The following DOK6 variants were observed in gnomAD, a reference collection of about 807,000 sequenced individuals.
DOK6 encodes the protein downstream of tyrosine kinase 6.
A neutral mutation model predicts 44.0 loss-of-function variants in DOK6; 22 were observed. The observed-to-expected ratio is 0.50, with a 90% CI of 0.36 to 0.71. The LOEUF (loss-of-function observed/expected upper bound fraction) is 0.71. Among genes scored for constraint, DOK6 ranks in the 30% least tolerant of loss-of-function variants. The pLI, the probability that DOK6 is intolerant of heterozygous loss-of-function variation, is 0.00. For synonymous variants in DOK6, 166 were observed against 145.5 expected, an observed-to-expected ratio of 1.14 and a Z score of -1.01; for missense variants, 340 against 416.4, an observed-to-expected ratio of 0.82 and a Z score of 1.60.
At chr18:69,810,585 T>A (rs1981193352) in intron 7 of DOK6, among the ~76,000 whole-genome samples, 1 of 151,628 alleles carries the variant, frequency 6.6e-6, no homozygotes, top group African/African-American at 2.4e-5. Flanking sequence ...GGAGTTAATA[T>A]CCAAAGTATA....
At chr18:69,570,031 G>T (rs2144602248) in intron 2 of DOK6, among the ~76,000 whole-genome samples, 1 of 151,906 alleles carries the variant, frequency 6.6e-6, no homozygotes, top group East Asian at 1.9e-4. Context: ...CAAACACTGG[G>T]ATCTACTTGA....
chr18:69,606,831 T>C (rs1000538651), intron 3 of DOK6, among the ~76,000 whole-genome samples: 13 of 143,016 alleles, frequency 9.1e-5, no homozygotes, highest in Non-Finnish European at 1.5e-4. Context: ...TGGCGCAATC[T>C]CGGCCCACTG....
At chr18:69,719,421 G>T (rs1986956408) in intron 5 of DOK6, among the ~76,000 whole-genome samples, 1 of 152,148 alleles carries the variant, frequency 6.6e-6, no homozygotes, top group Non-Finnish European at 1.5e-5. Flanking sequence ...AAAGACTTAG[G>T]TTTTACAATA....
At chr18:69,712,879 G>A (rs1986800660) in intron 5 of DOK6, among the ~76,000 whole-genome samples, 1 of 152,114 alleles carries the variant, frequency 6.6e-6, no homozygotes, top group African/African-American at 2.4e-5. Context: ...GGAAGCTCAC[G>A]TCTCCAAAAT....
chr18:69,747,221 A>G (rs1207866372), intron 6 of DOK6, among the ~76,000 whole-genome samples: 3 of 152,362 alleles, frequency 2.0e-5, no homozygotes, highest in African/African-American at 7.2e-5. Context: ...TCTCAGTTGT[A>G]TATAGATTTG....
rs539109268 is a variant in DOK6, at chr18:69,636,609, T to G, written c.289+37111T>G. On this transcript the variant is annotated intron_variant, in intron 3 of 7. Transcript: ENST00000382713. Reference sequence around the variant, plus strand: ...AGAGTTGTCTTAGTGACCAGAGTTGTTTGCCTTGGGCTCTGCTTTCTGGGG... The same window carrying G: ...AGAGTTGTCTTAGTGACCAGAGTTGGTTGCCTTGGGCTCTGCTTTCTGGGG... Among the ~76,000 whole-genome samples the G allele has an allele frequency of 8.5e-5, 13 of 152,372 alleles. No individual in the cohort carries two copies. In the East Asian group the frequency reaches 2.5e-3, roughly 29 times the overall value.
intron 3 of DOK6, among the ~76,000 whole-genome samples, chr18:69,609,372 C>A (rs1171147586): frequency 2.0e-5 from 3 of 151,954 alleles, no homozygotes; most frequent in African/African-American, 7.3e-5. Flanking sequence ...TGCAGATGGT[C>A]AACAGGTGTA....
rs191813946 is a variant in DOK6, at chr18:69,590,104, C to T, written c.175-9280C>T. Among the ~76,000 whole-genome samples, 485 of 152,140 alleles carry T rather than the reference C, an allele frequency of 3.2e-3. 14 individuals are homozygous for T. The South Asian group carries it at 0.061, about 19-fold the overall frequency. On this transcript the variant is annotated intron_variant, in intron 2 of 7. Coordinates refer to ENST00000382713, the MANE Select transcript of DOK6 (RefSeq NM_152721.6). ...GAAAGGAATAATCACTTAATAAATG[C>T]CTAGTGGTCTTCACAGTGAACAGCA...
chr18:69,531,691 G>A (rs1437231824), intron 1 of DOK6, among the ~76,000 whole-genome samples: 3 of 152,024 alleles, frequency 2.0e-5, no homozygotes, highest in African/African-American at 4.8e-5. Context: ...TTTAAGCACT[G>A]GACATTACCC....
chr18:69,841,374 C>G lies in DOK6; in HGVS notation c.987C>G (p.Leu329=). ...ATGGATTCAGCTACAGCTCCAGCCT[C>G]ATCCAATGACACACAGAGAGCCGCT... ...SSYGFSYSSS[L]IQ is the part of the protein sequence containing the mutation. Residue 329 remains leucine (L), a synonymous_variant, in exon 8 of 8, where the codon CTC becomes CTG. Transcript: ENST00000382713. 1 of 1,614,208 alleles carries G rather than the reference C, an allele frequency of 6.2e-7. No homozygotes were observed. The highest frequency in any genetic ancestry group is 8.5e-7 in the Non-Finnish European group (1 of 1,180,030).
chr18:69,720,230 C>A (rs1015963192), intron 5 of DOK6, among the ~76,000 whole-genome samples: 6 of 152,038 alleles, frequency 3.9e-5, no homozygotes, highest in Non-Finnish European at 7.4e-5. Context: ...ATGATCTAAC[C>A]AACACAAGAC....
At chr18:69,762,647 T>C (rs1220620955) in intron 7 of DOK6, among the ~76,000 whole-genome samples, 1 of 152,232 alleles carries the variant, frequency 6.6e-6, no homozygotes, top group Non-Finnish European at 1.5e-5. Context: ...AACTTTCATA[T>C]ATTTAAAGTT....
At chr18:69,820,688 A>G (rs571487916) in intron 7 of DOK6, among the ~76,000 whole-genome samples, 15 of 152,192 alleles carry the variant, frequency 9.9e-5, no homozygotes, top group Non-Finnish European at 2.1e-4. Context: ...AACATACTCT[A>G]TACACCATGG....
chr18:69,802,229 G>A (rs1434892003), intron 7 of DOK6, among the ~76,000 whole-genome samples: 1 of 152,100 alleles, frequency 6.6e-6, no homozygotes, highest in African/African-American at 2.4e-5. Context: ...GGTAAAGAGT[G>A]CCCACAACAA....
rs115064539 is a variant in DOK6, at chr18:69,463,217, C to T, written c.66+61907C>T. ...CTCTCTCAGGCCTCTCCTATAAGGG[C>T]ACCAGGCCTAATCATGAAGGTTCTG... On this transcript the variant is annotated intron_variant, in intron 1 of 7. Transcript: ENST00000382713. 1.5e-3 allele frequency among the ~76,000 whole-genome samples: 228 copies of T among 152,212 alleles called. 1 individual carries two copies. Among genetic ancestry groups the T allele is most frequent in the African/African-American group, 5.2e-3 (218 of 41,540 alleles).
intron 1 of DOK6, among the ~76,000 whole-genome samples, chr18:69,523,978 AT>A (rs1272454883): frequency 6.6e-6 from 1 of 151,970 alleles, no homozygotes; most frequent in African/African-American, 2.4e-5. Context: ...ATAGTCTCAA[AT>A]TTTCTTTCAA....
intron 5 of DOK6, among the ~76,000 whole-genome samples, chr18:69,706,409 A>C (rs1190444057): frequency 6.6e-6 from 1 of 152,152 alleles, no homozygotes; most frequent in Non-Finnish European, 1.5e-5. Flanking sequence ...AAGTTTTCTA[A>C]AGTTATATGC....
chr18:69,606,757 A>ATT lies in DOK6; in HGVS notation c.289+7278_289+7279dup, dbSNP rs71176989. ...ACTGATAACAAAAGATTCAAAAAGG[A>ATT]TTTTTTTTTTTTTTTTTTTTGGAGA... On this transcript the variant is annotated intron_variant, in intron 3 of 7. Transcript: ENST00000382713. 1.3e-3 allele frequency among the ~76,000 whole-genome samples: 150 copies of ATT among 115,144 alleles called. 9 individuals carry two copies. The highest frequency in any genetic ancestry group is 5.2e-3 in the Middle Eastern group (1 of 192). 75.5% of individuals were successfully genotyped at this position (115,144 alleles called of 152,430 possible).
chr18:69,614,570 G>A (rs911720533), intron 3 of DOK6, among the ~76,000 whole-genome samples: 3 of 149,990 alleles, frequency 2.0e-5, no homozygotes, highest in Non-Finnish European at 4.4e-5. Flanking sequence ...GTGTGTGTGT[G>A]TGTGTTAAGA....
Sources: allele counts gnomAD v4.1 joint callset (sites outside exome capture counted in the v4.1 genomes callset), GRCh38; gene constraint gnomAD v4.1.1; transcripts MANE v1.5; gene names NCBI Gene and HGNC (gene_info 2026-07-23, HGNC 2026-07-21).